The following INO80 variants were observed in gnomAD, a reference collection of about 807,000 sequenced individuals.
INO80 encodes the protein INO80 complex ATPase subunit.
In INO80, 20 loss-of-function variants were observed where a neutral mutation model predicts 203.4. That is an observed-to-expected ratio of 0.10 (90% CI 0.07 to 0.14). The LOEUF (loss-of-function observed/expected upper bound fraction) is 0.14. Ranked by LOEUF, INO80 falls within the 10% of genes least tolerant of loss-of-function variation. The probability of loss-of-function intolerance (pLI) is 1.00; values close to 1 mark genes in which losing one functional copy is unlikely to be tolerated. For missense variants in INO80, 1,419 were observed against 1,914.4 expected, an observed-to-expected ratio of 0.74 and a Z score of 4.83; for synonymous variants, 726 against 685.2, an observed-to-expected ratio of 1.06 and a Z score of -0.93.
intron 23 of INO80, among the ~76,000 whole-genome samples, chr15:41,046,237 ATATATATATATATATATATT>A (rs2044763576): frequency 4.4e-5 from 1 of 22,920 alleles, no homozygotes; most frequent in Non-Finnish European, 1.3e-4. Context: ...ATATATATAT[ATATATATATATATATATATT>A]CTTGTTCTGT....
At chr15:41,112,715 G>A (rs1325000121) in intron 1 of INO80, among the ~76,000 whole-genome samples, 1 of 144,920 alleles carries the variant, frequency 6.9e-6, no homozygotes, top group Non-Finnish European at 1.5e-5. Flanking sequence ...TTGAACCCGG[G>A]AGGCAGAGGG....
At chr15:41,066,238 G>A (rs559396985) in intron 14 of INO80, among the ~76,000 whole-genome samples, 2 of 152,076 alleles carry the variant, frequency 1.3e-5, no homozygotes, top group African/African-American at 2.4e-5. Flanking sequence ...TCAGCCTTCC[G>A]AAGTGCTGGG....
At chr15:41,079,563 C>A (rs1481316907) in intron 9 of INO80, 138 bp downstream of exon 9, 2 of 787,216 alleles carry the variant, frequency 2.5e-6, no homozygotes, top group Admixed American at 4.3e-5. Context: ...GTGGAGAAAC[C>A]GCATCTCTAC....
chr15:41,088,020 A>G (rs1394900262), intron 5 of INO80, among the ~76,000 whole-genome samples: 1 of 151,914 alleles, frequency 6.6e-6, no homozygotes, highest in East Asian at 1.9e-4. Flanking sequence ...TTCACCACCA[A>G]GAAATAAGCC....
chr15:41,108,604 A>AG (rs1238870509), intron 1 of INO80, among the ~76,000 whole-genome samples: 2 of 151,454 alleles, frequency 1.3e-5, no homozygotes, highest in African/African-American at 4.8e-5. Context: ...AAAAAAAAAA[A>AG]AAAAAAGGAA....
At chr15:41,091,606 A>C (rs2045643469) in intron 5 of INO80, among the ~76,000 whole-genome samples, 1 of 145,890 alleles carries the variant, frequency 6.9e-6, no homozygotes. Context: ...ACTTACACTC[A>C]CTACTGAGGA....
At chr15:41,074,589 C>G (rs1167788651) in intron 9 of INO80, 24 bp from the exon 10 acceptor site, 1 of 1,536,584 alleles carries the variant, frequency 6.5e-7, no homozygotes, top group Non-Finnish European at 8.9e-7. Flanking sequence ...AAAGTGAAAA[C>G]AGAGCCAAAT....
At chr15:41,056,052 T>C (rs1015636156) in intron 17 of INO80, among the ~76,000 whole-genome samples, 1 of 148,140 alleles carries the variant, frequency 6.8e-6, no homozygotes, top group African/African-American at 2.5e-5. Flanking sequence ...CAAGCAATCA[T>C]CCCAACTCTG....
At chr15:41,002,922 G>A (rs2043979476) in intron 28 of INO80, among the ~76,000 whole-genome samples, 1 of 152,150 alleles carries the variant, frequency 6.6e-6, no homozygotes, top group Non-Finnish European at 1.5e-5. Context: ...GGCTAACATA[G>A]TGAAACCTTG....
At chr15:41,078,714 A>T (rs1360128894) in intron 9 of INO80, among the ~76,000 whole-genome samples, 2 of 150,890 alleles carry the variant, frequency 1.3e-5, no homozygotes, top group South Asian at 2.1e-4. Context: ...CTCTCCTTCC[A>T]TTCATCTCAG....
Position 41,115,975 on chromosome 15 carries a change from C to T in INO80, c.-46G>A, listed in dbSNP as rs1189525870. ...CCGCCCACGTCTAGTTGCCTCACCT[C>T]GGGCCGCCTGGCCCCGCCGCCGCGA... On this transcript the variant is annotated splice_region_variant and 5_prime_UTR_variant, in exon 1 of 36. Transcript: ENST00000648947. 1 of 377,688 alleles carries T rather than the reference C, an allele frequency of 2.6e-6. No individual in the cohort carries two copies. The highest frequency in any genetic ancestry group is 4.7e-6 in the Non-Finnish European group (1 of 212,780). 23.4% of individuals were successfully genotyped at this position (377,688 alleles called of 1,614,324 possible).
chr15:41,032,972 A>G (rs1243111694), intron 24 of INO80, among the ~76,000 whole-genome samples: 1 of 152,190 alleles, frequency 6.6e-6, no homozygotes, highest in Non-Finnish European at 1.5e-5. Flanking sequence ...CGGGAGGCGG[A>G]GGTTGCAGTG....
At chr15:41,021,192 C>A (rs954140888) in intron 25 of INO80, 67 bp from the exon 26 acceptor site, 2 of 1,108,538 alleles carry the variant, frequency 1.8e-6, no homozygotes, top group South Asian at 1.3e-5. Flanking sequence ...CTTTTGGGAA[C>A]CTCAACTTTG....
chr15:41,089,570 C>T lies in INO80; in HGVS notation c.538-1888G>A, dbSNP rs565928863. Among the ~76,000 whole-genome samples the T allele has an allele frequency of 2.0e-5, 3 of 152,158 alleles. No individual in the cohort carries two copies. In the South Asian group the frequency reaches 6.2e-4, roughly 32 times the overall value. On this transcript the variant is annotated intron_variant, in intron 5 of 35. Transcript: ENST00000648947. The stretch of plus-strand genomic sequence containing the variant: ...ACAAGCCTGACGAACATTGAAAAAC[C>T]GTATCTCTACTAAAAATACAAAAAT...
intron 4 of INO80, among the ~76,000 whole-genome samples, chr15:41,093,123 T>C (rs1322274657): frequency 3.3e-5 from 5 of 151,680 alleles, no homozygotes; most frequent in African/African-American, 7.3e-5. Context: ...ACAGAGGAAA[T>C]AGAAAATGGA....
intron 7 of INO80, among the ~76,000 whole-genome samples, chr15:41,082,463 G>A (rs2045500101): frequency 1.3e-5 from 2 of 152,052 alleles, no homozygotes; most frequent in Non-Finnish European, 2.9e-5. Context: ...CACTTTGGGA[G>A]GCCGAGGTGG....
chr15:40,997,875 A>G (rs1047389476), intron 28 of INO80, among the ~76,000 whole-genome samples: 2 of 152,238 alleles, frequency 1.3e-5, no homozygotes, highest in Admixed American at 6.5e-5. Flanking sequence ...TGTAGCAAAT[A>G]TAACAGAAAA....
chr15:40,989,809 A>G (rs940769990), intron 29 of INO80, among the ~76,000 whole-genome samples: 1 of 152,172 alleles, frequency 6.6e-6, no homozygotes, highest in Non-Finnish European at 1.5e-5. Context: ...TAACACAAAT[A>G]TGCCCTTTCC....
intron 7 of INO80, among the ~76,000 whole-genome samples, chr15:41,084,781 A>G (rs1310406804): frequency 6.6e-6 from 1 of 152,328 alleles, no homozygotes; most frequent in East Asian, 1.9e-4. Flanking sequence ...ATTCTGTTAC[A>G]CAAGCTAGAG....
Sources: gnomAD v4.1 joint callset for allele counts (sites outside exome capture counted in the v4.1 genomes callset) on GRCh38, gnomAD v4.1.1 for gene constraint, MANE v1.5 for transcripts, NCBI Gene and HGNC (gene_info 2026-07-23, HGNC 2026-07-21) for gene names.